The following SLIT2 variants were observed in gnomAD, a reference collection of about 807,000 sequenced individuals.
The protein encoded by SLIT2 is slit homolog 2 protein.
SLIT2 carries 41 observed loss-of-function variants against 185.7 expected under a neutral mutation model. That is an observed-to-expected ratio of 0.22 (90% CI 0.17 to 0.29). SLIT2 has a LOEUF of 0.29. Among genes scored for constraint, SLIT2 ranks in the 10% least tolerant of loss-of-function variants. The pLI is 1.00. For missense variants in SLIT2, 1,571 were observed against 1,909.0 expected, an observed-to-expected ratio of 0.82 and a Z score of 3.30; for synonymous variants, 693 against 680.2, an observed-to-expected ratio of 1.02 and a Z score of -0.29.
At chr4:20,516,319 T>C (rs576539367) in intron 11 of SLIT2, among the ~76,000 whole-genome samples, 1 of 152,206 alleles carries the variant, frequency 6.6e-6, no homozygotes, top group African/African-American at 2.4e-5. Flanking sequence ...AAAATCTCTA[T>C]CAGAGTATAT....
intron 4 of SLIT2, among the ~76,000 whole-genome samples, chr4:20,464,790 T>TC (rs1362616447): frequency 6.6e-6 from 1 of 152,144 alleles, no homozygotes. Flanking sequence ...ATTCACATAA[T>TC]CTTTTTTTTC....
chr4:20,398,230 G>C (rs189418268), intron 4 of SLIT2, among the ~76,000 whole-genome samples: 2 of 151,900 alleles, frequency 1.3e-5, no homozygotes, highest in East Asian at 3.9e-4. Context: ...AGGAACAACA[G>C]AAGATGGAGA....
intron 4 of SLIT2, among the ~76,000 whole-genome samples, chr4:20,309,123 T>C (rs1469339757): frequency 6.6e-6 from 1 of 152,172 alleles, no homozygotes; most frequent in Non-Finnish European, 1.5e-5. Context: ...ATATGGTCAA[T>C]TTAACAATGA....
chr4:20,508,767 G>A (rs1719434449), intron 9 of SLIT2, among the ~76,000 whole-genome samples: 1 of 152,048 alleles, frequency 6.6e-6, no homozygotes, highest in East Asian at 1.9e-4. Flanking sequence ...AGGAGATAGA[G>A]TGTCTCATCA....
At chr4:20,540,391 G>A (rs1424582534) in intron 19 of SLIT2, among the ~76,000 whole-genome samples, 2 of 152,018 alleles carry the variant, frequency 1.3e-5, no homozygotes, top group African/African-American at 4.8e-5. Context: ...TATGATATTA[G>A]CAAAATATTG....
At position 20,396,090 on chromosome 4, in the gene SLIT2, G is replaced by T. The variant is rs187870189; in HGVS notation, c.396-71662G>T. Among the ~76,000 whole-genome samples the T allele has an allele frequency of 9.2e-4, 139 of 151,850 alleles. 1 individual carries two copies. The highest frequency in any genetic ancestry group is 3.1e-3 in the African/African-American group (129 of 41,470). Reference sequence around the variant, plus strand: ...AGGTACATACCTTGGAAATGTTTTGGCACAGAGTATATAATAACAAAAACA... The same window carrying T: ...AGGTACATACCTTGGAAATGTTTTGTCACAGAGTATATAATAACAAAAACA... On this transcript the variant is annotated intron_variant, in intron 4 of 36. Coordinates refer to ENST00000504154, the MANE Select transcript of SLIT2 (RefSeq NM_004787.4).
chr4:20,484,661 T>G lies in SLIT2; in HGVS notation c.540-1539T>G, dbSNP rs1297825902. ...GCCCAGAGTGGCCTCAAAAATATATTTTGTGTAGCTCAAACATAAGCGGTC... is the reference window on the plus strand; with the variant it reads ...GCCCAGAGTGGCCTCAAAAATATATGTTGTGTAGCTCAAACATAAGCGGTC... On this transcript the variant is annotated intron_variant, in intron 6 of 36. Coordinates refer to ENST00000504154, the MANE Select transcript of SLIT2 (RefSeq NM_004787.4). This position sits in a 1 kb window ranked among gnomAD's most constrained non-coding sequence, Gnocchi z 4.3. 2.6e-5 allele frequency among the ~76,000 whole-genome samples: 4 copies of G among 152,076 alleles called. No homozygotes were observed. Among genetic ancestry groups the G allele is most frequent in the Non-Finnish European group, 5.9e-5 (4 of 67,994 alleles).
At chr4:20,304,283 G>A (rs897643982) in intron 4 of SLIT2, among the ~76,000 whole-genome samples, 6 of 151,932 alleles carry the variant, frequency 3.9e-5, no homozygotes, top group African/African-American at 9.7e-5. Context: ...AAAAGAAAAC[G>A]AAAGAAAGGA....
At chr4:20,360,899 C>T (rs1056726895) in intron 4 of SLIT2, among the ~76,000 whole-genome samples, 9 of 152,156 alleles carry the variant, frequency 5.9e-5, no homozygotes, top group Non-Finnish European at 1.2e-4. Context: ...CTGTGACTTA[C>T]CCTGTGAGCT....
chr4:20,270,297 G>T (rs1166025169), intron 4 of SLIT2, among the ~76,000 whole-genome samples: 5 of 151,794 alleles, frequency 3.3e-5, no homozygotes, highest in Admixed American at 3.3e-4. Flanking sequence ...GATTTTTAAG[G>T]AATCGACTTG....
chr4:20,529,944 C>T (rs757251670), intron 16 of SLIT2, among the ~76,000 whole-genome samples: 6 of 152,168 alleles, frequency 3.9e-5, no homozygotes, highest in Admixed American at 2.0e-4. Flanking sequence ...TAGATTATAG[C>T]TCCTTGATGA....
intron 11 of SLIT2, among the ~76,000 whole-genome samples, chr4:20,518,580 T>TATATATATATATATAG: frequency 3.9e-5 from 1 of 25,396 alleles, no homozygotes; most frequent in Non-Finnish European, 6.8e-5. Flanking sequence ...TATATATATA[T>TATATATATATATATAG]ATATATATTT....
intron 30 of SLIT2, among the ~76,000 whole-genome samples, chr4:20,592,253 C>G (rs1438536844): frequency 6.6e-6 from 1 of 152,096 alleles, no homozygotes; most frequent in Non-Finnish European, 1.5e-5. Context: ...TATTATATAC[C>G]TCATAAATCT....
At chr4:20,512,405 T>C (rs781372571) in intron 11 of SLIT2, among the ~76,000 whole-genome samples, 3 of 152,194 alleles carry the variant, frequency 2.0e-5, no homozygotes, top group Non-Finnish European at 4.4e-5. Flanking sequence ...CAGTTTTCTT[T>C]AAAAAGGAAA....
Position 20,488,811 on chromosome 4 carries a change from T to G in SLIT2, c.612-8T>G. ...TTCTTGCTTTACACTTCTTTTTTTCTCATTTAGTCGACTGCATTCAAACAA... is the reference window on the plus strand; with the variant it reads ...TTCTTGCTTTACACTTCTTTTTTTCGCATTTAGTCGACTGCATTCAAACAA... On this transcript the variant is annotated splice_region_variant and splice_polypyrimidine_tract_variant and intron_variant, in intron 7 of 36. Coordinates refer to ENST00000504154, the MANE Select transcript of SLIT2 (RefSeq NM_004787.4). 1.3e-6 allele frequency: 2 copies of G among 1,562,514 alleles called. No homozygotes were observed. Among genetic ancestry groups the G allele is most frequent in the Middle Eastern group, 3.5e-4 (2 of 5,660 alleles).
chr4:20,265,418 C>A, intron 3 of SLIT2, among the ~76,000 whole-genome samples: 1 of 151,772 alleles, frequency 6.6e-6, no homozygotes. Context: ...AAAGTGGAGC[C>A]AAATGTGTAT....
At position 20,345,632 on chromosome 4, in the gene SLIT2, A is replaced by T. The variant is rs190378210; in HGVS notation, c.395+76751A>T. ...CTCACGGCAACCTCCACCTCCCGGG[A>T]TCAAGCAATTCTCCTGCCTCAGCTT... On this transcript the variant is annotated intron_variant, in intron 4 of 36. Coordinates refer to ENST00000504154, the MANE Select transcript of SLIT2 (RefSeq NM_004787.4). 3.5e-3 allele frequency among the ~76,000 whole-genome samples: 492 copies of T among 141,460 alleles called. 4 individuals carry two copies. The highest frequency in any genetic ancestry group is 0.013 in the African/African-American group (486 of 37,204). 92.8% of individuals were successfully genotyped at this position (141,460 alleles called of 152,430 possible).
chr4:20,561,569 T>G (rs892122488), intron 26 of SLIT2, among the ~76,000 whole-genome samples: 4 of 151,796 alleles, frequency 2.6e-5, no homozygotes, highest in Non-Finnish European at 5.9e-5. Flanking sequence ...AAGCATTATT[T>G]AGATCAGTTT....
At chr4:20,313,708 G>C (rs544780395) in intron 4 of SLIT2, among the ~76,000 whole-genome samples, 1 of 152,262 alleles carries the variant, frequency 6.6e-6, no homozygotes, top group South Asian at 2.1e-4. Context: ...GGATGAAACT[G>C]TTCTGCGCTA....
Sources: allele counts gnomAD v4.1 joint callset (sites outside exome capture counted in the v4.1 genomes callset), GRCh38; gene constraint gnomAD v4.1.1; non-coding constraint Gnocchi (gnomAD v3.1); transcripts MANE v1.5; gene names NCBI Gene and HGNC (gene_info 2026-07-23, HGNC 2026-07-21).